Variants in TMEM132C observed in about 807,000 individuals in gnomAD.
The protein encoded by TMEM132C is protein phosphatase 1, regulatory subunit 152.
In TMEM132C, 29 loss-of-function variants were observed where a neutral mutation model predicts 61.4. The observed-to-expected ratio is 0.47, with a 90% CI of 0.35 to 0.64. TMEM132C has a LOEUF of 0.64. Among genes scored for constraint, TMEM132C ranks in the 30% least tolerant of loss-of-function variants. The probability of loss-of-function intolerance (pLI) is 0.00; values close to 1 mark genes in which losing one functional copy is unlikely to be tolerated. For synonymous variants in TMEM132C, 656 were observed against 633.1 expected, an observed-to-expected ratio of 1.04 and a Z score of -0.54; for missense variants, 1,408 against 1,476.9, an observed-to-expected ratio of 0.95 and a Z score of 0.76.
intron 1 of TMEM132C, among the ~76,000 whole-genome samples, chr12:128,360,761 A>C (rs1593024559): frequency 6.6e-6 from 1 of 152,298 alleles, no homozygotes; most frequent in African/African-American, 2.4e-5. Flanking sequence ...CGGAAGCTTT[A>C]GACCTTAGGA....
chr12:128,532,753 C>T (rs12579967), intron 2 of TMEM132C, among the ~76,000 whole-genome samples: 90 of 151,444 alleles, frequency 5.9e-4, no homozygotes, highest in African/African-American at 2.0e-3. Flanking sequence ...GGGTGAAGCT[C>T]GAGTGCCTGA....
intron 4 of TMEM132C, among the ~76,000 whole-genome samples, chr12:128,662,029 G>A (rs1233357037): frequency 1.3e-5 from 2 of 152,092 alleles, no homozygotes; most frequent in Non-Finnish European, 2.9e-5. Flanking sequence ...TGAGGATCAG[G>A]ACTGGAAAAA....
intron 2 of TMEM132C, among the ~76,000 whole-genome samples, chr12:128,541,791 A>G (rs1274398129): frequency 6.6e-6 from 1 of 152,146 alleles, no homozygotes; most frequent in Admixed American, 6.5e-5. Context: ...CATAGTGTCA[A>G]TGCCTGTTGC....
At chr12:128,693,312 G>A (rs1291847245) in intron 5 of TMEM132C, among the ~76,000 whole-genome samples, 1 of 152,170 alleles carries the variant, frequency 6.6e-6, no homozygotes, top group Non-Finnish European at 1.5e-5. Flanking sequence ...TAACTGCCCA[G>A]GGTGTGAAAA....
At chr12:128,693,505 C>A (rs1186884424) in intron 5 of TMEM132C, among the ~76,000 whole-genome samples, 1 of 152,172 alleles carries the variant, frequency 6.6e-6, no homozygotes, top group Non-Finnish European at 1.5e-5. Context: ...ATATTCCCTC[C>A]TCTTACTCCT....
chr12:128,654,893 G>C (rs1384445353), intron 4 of TMEM132C, among the ~76,000 whole-genome samples: 2 of 152,152 alleles, frequency 1.3e-5, no homozygotes, highest in Admixed American at 6.5e-5. Context: ...CTTTTCTCTT[G>C]CTCCCTGTAA....
chr12:128,278,067 G>T lies in TMEM132C; in HGVS notation c.85+10580G>T, dbSNP rs955385678. On this transcript the variant is annotated intron_variant, in intron 1 of 8. Transcript: ENST00000435159. This position sits in a 1 kb window ranked among gnomAD's most constrained non-coding sequence, Gnocchi z 4.2. ...CAGGTGCTCACCCCCAGGACTGTGG[G>T]ATCCCTGGGCTGAGTTGCTAAAGCC... 6.6e-6 allele frequency among the ~76,000 whole-genome samples: 1 copy of T among 152,062 alleles called. No individual in the cohort carries two copies. Among genetic ancestry groups the T allele is most frequent in the African/African-American group, 2.4e-5 (1 of 41,412 alleles).
chr12:128,633,298 G>T (rs1954077260), intron 4 of TMEM132C, among the ~76,000 whole-genome samples: 1 of 152,180 alleles, frequency 6.6e-6, no homozygotes, highest in Admixed American at 6.5e-5. Flanking sequence ...TACATTGACA[G>T]CCCTGATTCA....
intron 2 of TMEM132C, among the ~76,000 whole-genome samples, chr12:128,483,488 G>C (rs961483778): frequency 3.3e-5 from 5 of 152,032 alleles, no homozygotes; most frequent in African/African-American, 1.2e-4. Context: ...TTCTGGGTTC[G>C]TCTTCTTGCT....
At chr12:128,597,009 A>T (rs1452230545) in intron 3 of TMEM132C, among the ~76,000 whole-genome samples, 1 of 152,200 alleles carries the variant, frequency 6.6e-6, no homozygotes, top group Non-Finnish European at 1.5e-5. Flanking sequence ...GATGCTAAGT[A>T]GCTCGGCCTT....
chr12:128,701,317 G>A (rs1445227427), intron 8 of TMEM132C, among the ~76,000 whole-genome samples: 1 of 150,584 alleles, frequency 6.6e-6, no homozygotes, highest in African/African-American at 2.4e-5. Context: ...GCCACCCAAA[G>A]AGAACTCCAC....
chr12:128,700,172 T>C (rs566321909), intron 8 of TMEM132C, among the ~76,000 whole-genome samples: 12 of 152,262 alleles, frequency 7.9e-5, no homozygotes, highest in African/African-American at 2.2e-4. Flanking sequence ...CTGACAGTAA[T>C]TGGTGTCCCC....
rs528174963 is a variant in TMEM132C, at chr12:128,488,958, G to A, written c.975-54999G>A. Among the ~76,000 whole-genome samples the A allele has an allele frequency of 6.6e-4, 101 of 152,190 alleles. 1 individual carries two copies. The highest frequency in any genetic ancestry group is 6.8e-3 in the Middle Eastern group (2 of 294). ...TCCCACCCAGGTTGATAAAGGTTGCGATTCTTCATGCCAAGAAAAAAGTTT... is the reference window on the plus strand; with the variant it reads ...TCCCACCCAGGTTGATAAAGGTTGCAATTCTTCATGCCAAGAAAAAAGTTT... On this transcript the variant is annotated intron_variant, in intron 2 of 8. Coordinates refer to ENST00000435159, the MANE Select transcript of TMEM132C (RefSeq NM_001136103.3).
chr12:128,622,520 C>G (rs1593123904), intron 4 of TMEM132C, among the ~76,000 whole-genome samples: 1 of 150,996 alleles, frequency 6.6e-6, no homozygotes, highest in Non-Finnish European at 1.5e-5. Flanking sequence ...GATTTTCCCA[C>G]CTGGGGGCAT....
At chr12:128,494,005 T>C (rs1055042331) in intron 2 of TMEM132C, among the ~76,000 whole-genome samples, 3 of 152,196 alleles carry the variant, frequency 2.0e-5, no homozygotes, top group South Asian at 2.1e-4. Flanking sequence ...ATAGCTCTTA[T>C]TATTTTGAGA....
At chr12:128,310,064 A>T (rs1400269076) in intron 1 of TMEM132C, among the ~76,000 whole-genome samples, 1 of 152,188 alleles carries the variant, frequency 6.6e-6, no homozygotes, top group African/African-American at 2.4e-5. Context: ...GGGCTGGATA[A>T]TATTTCATTG....
intron 4 of TMEM132C, among the ~76,000 whole-genome samples, chr12:128,641,676 C>T (rs1177315560): frequency 1.3e-5 from 2 of 152,248 alleles, no homozygotes; most frequent in African/African-American, 4.8e-5. Flanking sequence ...CGTGGACCTC[C>T]AGCCGCAGAA....
At chr12:128,564,877 C>G (rs1184544392) in intron 3 of TMEM132C, among the ~76,000 whole-genome samples, 3 of 152,188 alleles carry the variant, frequency 2.0e-5, no homozygotes, top group Non-Finnish European at 4.4e-5. Context: ...GGGATCCCCC[C>G]TTCCTGGTAG....
chr12:128,295,783 A>C (rs1210181991), intron 1 of TMEM132C, among the ~76,000 whole-genome samples: 1 of 151,804 alleles, frequency 6.6e-6, no homozygotes, highest in African/African-American at 2.4e-5. Context: ...TAAAAAAAAA[A>C]AACCTTAAAA....
Sources: allele counts gnomAD v4.1 joint callset (sites outside exome capture counted in the v4.1 genomes callset), GRCh38; gene constraint gnomAD v4.1.1; non-coding constraint Gnocchi (gnomAD v3.1); transcripts MANE v1.5; gene names NCBI Gene and HGNC (gene_info 2026-07-23, HGNC 2026-07-21).